TENM1: variants seen among roughly 807,000 people sequenced by gnomAD.
The protein encoded by TENM1 is teneurin-1.
In TENM1, 35 loss-of-function variants were observed where a neutral mutation model predicts 174.8. The ratio of observed to expected loss-of-function variants is 0.20; its 90% CI spans 0.15 to 0.27. TENM1 has a LOEUF of 0.27. Among genes scored for constraint, TENM1 ranks in the 10% least tolerant of loss-of-function variants. The pLI is 1.00. For missense variants in TENM1, 1,633 were observed against 2,130.1 expected (o/e 0.77, Z 4.59); for synonymous variants, 781 against 798.7 (o/e 0.98, Z 0.37).
intron 6 of TENM1, among the ~76,000 whole-genome samples, chrX:124,658,896 T>C (rs1302436253): frequency 8.9e-6 from 1 of 112,178 alleles, no homozygotes; most frequent in Non-Finnish European, 1.9e-5. Flanking sequence ...TTTGAAGCTA[T>C]ATCATTTAAA....
intron 23 of TENM1, among the ~76,000 whole-genome samples, chrX:124,442,862 C>A (rs2060918853): frequency 9.1e-6 from 1 of 110,273 alleles, no homozygotes; most frequent in Non-Finnish European, 1.9e-5. Flanking sequence ...GGGGTTTCGT[C>A]CTGTTGCCCA....
At chrX:125,010,348 C>T in the TENM1 span, among the ~76,000 whole-genome samples, 1 of 110,387 alleles carries the variant, frequency 9.1e-6, no homozygotes, top group Non-Finnish European at 1.9e-5. Flanking sequence ...TCATGGAGAA[C>T]TACAAACTAC....
At chrX:124,879,367 A>G (rs2147509008) in intron 3 of TENM1, among the ~76,000 whole-genome samples, 1 of 112,379 alleles carries the variant, frequency 8.9e-6, no homozygotes, top group African/African-American at 3.2e-5. Context: ...GGGTGAGAAC[A>G]TATATCATTT....
the TENM1 span, among the ~76,000 whole-genome samples, chrX:125,036,529 A>G: frequency 1.8e-5 from 2 of 111,462 alleles, no homozygotes; most frequent in Admixed American, 1.9e-4. Context: ...TTGTATTCAG[A>G]TGCATTGTAA....
chrX:124,471,459 ACT>A (rs2061327476), intron 22 of TENM1, among the ~76,000 whole-genome samples: 2 of 34,824 alleles, frequency 5.7e-5, no homozygotes, highest in African/African-American at 1.4e-4. Context: ...TATATATAAT[ACT>A]ATATATAATA....
At chrX:124,428,703 A>G (rs2283771) in intron 23 of TENM1, among the ~76,000 whole-genome samples, 27,494 of 111,194 alleles carry the variant, frequency 0.25, 2,922 homozygotes, top group East Asian at 0.79. Flanking sequence ...ATAGTAAGGG[A>G]TAGCAAGTGG....
At chrX:124,479,386 T>C (rs937975446) in intron 22 of TENM1, among the ~76,000 whole-genome samples, 1 of 112,084 alleles carries the variant, frequency 8.9e-6, no homozygotes, top group African/African-American at 3.2e-5. Flanking sequence ...TTGGAATGAA[T>C]GAAGTGTACC....
the TENM1 span, among the ~76,000 whole-genome samples, chrX:125,198,363 C>T: frequency 6.6e-4 from 74 of 111,451 alleles, 1 homozygote; most frequent in African/African-American, 2.1e-3. Flanking sequence ...TAGGCTTCTT[C>T]AAAGTCTACA....
chrX:124,694,132 G>A (rs1298005265), intron 5 of TENM1, among the ~76,000 whole-genome samples: 1 of 111,597 alleles, frequency 9.0e-6, no homozygotes, highest in African/African-American at 3.3e-5. Flanking sequence ...TGCCCTCAGA[G>A]GTTGTGCCTT....
the TENM1 span, among the ~76,000 whole-genome samples, chrX:125,161,593 A>G: frequency 8.9e-6 from 1 of 111,980 alleles, no homozygotes; most frequent in South Asian, 3.7e-4. Flanking sequence ...GGGAAAATCC[A>G]TAGAGACAAA....
chrX:124,567,381 T>C (rs888824679), intron 11 of TENM1, among the ~76,000 whole-genome samples: 4 of 111,798 alleles, frequency 3.6e-5, no homozygotes, highest in Non-Finnish European at 5.6e-5. Context: ...CAGTGAGTGA[T>C]AGGAAGAAAT....
chrX:124,597,398 T>C (rs2049921150), intron 11 of TENM1, among the ~76,000 whole-genome samples: 1 of 111,954 alleles, frequency 8.9e-6, no homozygotes, highest in Non-Finnish European at 1.9e-5. Flanking sequence ...GTGGAGACCA[T>C]TATTCTAAGT....
the TENM1 span, among the ~76,000 whole-genome samples, chrX:125,060,123 T>C: frequency 9.2e-6 from 1 of 108,234 alleles, no homozygotes; most frequent in Admixed American, 1.0e-4. Context: ...TTATAATCAA[T>C]TTTTCTCTCT....
chrX:124,597,224 G>A (rs1038056743), intron 11 of TENM1, among the ~76,000 whole-genome samples: 2 of 111,934 alleles, frequency 1.8e-5, no homozygotes, highest in Non-Finnish European at 3.8e-5. Context: ...ACTTGCACAT[G>A]CATGTTGATA....
chrX:124,855,267 T>C (rs1160713143), intron 3 of TENM1, among the ~76,000 whole-genome samples: 2 of 111,958 alleles, frequency 1.8e-5, no homozygotes, highest in Non-Finnish European at 3.8e-5. Flanking sequence ...GCCTTCACTA[T>C]AGAAGTATAT....
intron 19 of TENM1, among the ~76,000 whole-genome samples, chrX:124,502,217 A>T (rs1048684107): frequency 2.7e-5 from 3 of 111,871 alleles, no homozygotes; most frequent in Non-Finnish European, 5.6e-5. Flanking sequence ...AATTCTCAGA[A>T]ATAATTTGAT....
the TENM1 span, among the ~76,000 whole-genome samples, chrX:124,981,459 G>A: frequency 3.6e-5 from 4 of 111,906 alleles, no homozygotes; most frequent in Non-Finnish European, 7.5e-5. Flanking sequence ...TGAAATAACA[G>A]GGAGGAAGCA....
the TENM1 span, among the ~76,000 whole-genome samples, chrX:125,183,362 T>C: frequency 9.0e-6 from 1 of 111,648 alleles, no homozygotes; most frequent in African/African-American, 3.3e-5. Flanking sequence ...CTCCAAGTGG[T>C]TATTTGTTCT....
At chrX:124,561,929 G>C in intron 13 of TENM1, 112 bp from the exon 17 acceptor site, 1 of 759,004 alleles carries the variant, frequency 1.3e-6, no homozygotes, top group African/African-American at 2.1e-5. Flanking sequence ...ATTCAGATGA[G>C]GTGTTGAATA....
Sources: gnomAD v4.1 joint callset for allele counts (sites outside exome capture counted in the v4.1 genomes callset) on GRCh38, gnomAD v4.1.1 for gene constraint, MANE v1.5 for transcripts, NCBI Gene and HGNC (gene_info 2026-07-23, HGNC 2026-07-21) for gene names.